BACH2: variants seen among roughly 807,000 people sequenced by gnomAD.
BACH2 encodes the protein transcription regulator protein BACH2.
A neutral mutation model predicts 61.8 loss-of-function variants in BACH2; 5 were observed. The ratio of observed to expected loss-of-function variants is 0.08; its 90% CI spans 0.04 to 0.17. The LOEUF is 0.17. Among genes scored for constraint, BACH2 ranks in the 10% least tolerant of loss-of-function variants. The probability of loss-of-function intolerance (pLI) is 1.00; values close to 1 mark genes in which losing one functional copy is unlikely to be tolerated. For missense variants in BACH2, 824 were observed against 1,091.1 expected (o/e 0.76, Z 3.45); for synonymous variants, 446 against 440.1 (o/e 1.01, Z -0.17).
intron 3 of BACH2, among the ~76,000 whole-genome samples, chr6:90,208,145 G>A (rs898082025): frequency 6.6e-6 from 1 of 152,124 alleles, no homozygotes; most frequent in African/African-American, 2.4e-5. Context: ...CATAGGCATG[G>A]GCAAGGACTT....
chr6:90,102,860 T>C (rs193091360), intron 4 of BACH2, among the ~76,000 whole-genome samples: 1 of 144,766 alleles, frequency 6.9e-6, no homozygotes, highest in African/African-American at 2.5e-5. Flanking sequence ...GGACCTTCCA[T>C]TCAGTTAGGA....
chr6:90,188,010 C>T (rs961186832), intron 4 of BACH2, among the ~76,000 whole-genome samples: 4 of 152,098 alleles, frequency 2.6e-5, no homozygotes, highest in African/African-American at 9.7e-5. Context: ...AAGGTGCTGG[C>T]AAGGGAGCCC....
intron 6 of BACH2, among the ~76,000 whole-genome samples, chr6:89,995,427 T>C (rs969265869): frequency 1.3e-5 from 2 of 152,028 alleles, no homozygotes; most frequent in African/African-American, 4.8e-5. Context: ...CAGCGAAGGG[T>C]ATTGTATTTC....
intron 5 of BACH2, among the ~76,000 whole-genome samples, chr6:90,079,050 G>A (rs1781600997): frequency 6.6e-6 from 1 of 152,136 alleles, no homozygotes; most frequent in Non-Finnish European, 1.5e-5. Context: ...CAGTGGAATG[G>A]GACAGCACCA....
rs1562445909 is a variant in BACH2 at position 90,103,022 on chromosome 6, TATA to T, written c.-161-13916_-161-13914del. Reference sequence around the variant, plus strand: ...GACACAATACATATATATATATATATATATATATTTTTTTTTTTTTTTTTTTTT... The same window carrying T: ...GACACAATACATATATATATATATATTATATTTTTTTTTTTTTTTTTTTTT... On this transcript the variant is annotated intron_variant, in intron 4 of 8. Coordinates refer to ENST00000257749, the MANE Select transcript of BACH2 (RefSeq NM_021813.4). Among the ~76,000 whole-genome samples the T allele has an allele frequency of 1.0e-4, 5 of 48,898 alleles. No individual in the cohort carries two copies. The South Asian group carries it at 3.0e-3, about 29-fold the overall frequency. The allele number at this position is 48,898 out of a possible 152,430, so 32.1% of individuals were successfully genotyped here. A position where few individuals can be genotyped will look rare whatever the true frequency, so the allele number is the denominator to read the frequency against.
At chr6:90,163,044 T>A (rs547862673) in intron 4 of BACH2, among the ~76,000 whole-genome samples, 66 of 152,322 alleles carry the variant, frequency 4.3e-4, no homozygotes, top group Non-Finnish European at 8.1e-4. Flanking sequence ...AGTGTACCCA[T>A]CTCAGATAAA....
intron 4 of BACH2, among the ~76,000 whole-genome samples, chr6:90,205,663 T>C (rs1250961247): frequency 6.6e-6 from 1 of 152,228 alleles, no homozygotes; most frequent in Non-Finnish European, 1.5e-5. Context: ...CATATGCTTT[T>C]GTGCCTAAAC....
intron 4 of BACH2, among the ~76,000 whole-genome samples, chr6:90,152,986 A>C (rs1170686981): frequency 2.0e-5 from 3 of 152,194 alleles, no homozygotes; most frequent in Non-Finnish European, 4.4e-5. Flanking sequence ...GATAAGAAAG[A>C]AAGCGTTCTC....
intron 7 of BACH2, among the ~76,000 whole-genome samples, chr6:89,938,567 T>C (rs1773168870): frequency 6.6e-6 from 1 of 152,230 alleles, no homozygotes. Flanking sequence ...TGCAATGTTA[T>C]TGTCTCTGAG....
intron 3 of BACH2, among the ~76,000 whole-genome samples, chr6:90,244,611 CGCGCACACAT>C (rs979278434): frequency 1.3e-5 from 2 of 151,954 alleles, no homozygotes; most frequent in African/African-American, 2.4e-5. Flanking sequence ...CCCCTTCACA[CGCGCACACAT>C]GCGCACACAC....
At chr6:90,014,405 T>C (rs1777905357) in intron 5 of BACH2, among the ~76,000 whole-genome samples, 2 of 142,296 alleles carry the variant, frequency 1.4e-5, no homozygotes, top group Admixed American at 7.1e-5. Context: ...AATTGTCAAA[T>C]TTATTGGCAT....
At chr6:90,196,625 A>G (rs1364572880) in intron 4 of BACH2, among the ~76,000 whole-genome samples, 1 of 152,180 alleles carries the variant, frequency 6.6e-6, no homozygotes, top group Non-Finnish European at 1.5e-5. Flanking sequence ...GACATTGTTA[A>G]TTTCACCCAA....
chr6:90,058,852 T>C (rs1398438092), intron 5 of BACH2, among the ~76,000 whole-genome samples: 1 of 152,158 alleles, frequency 6.6e-6, no homozygotes, highest in Non-Finnish European at 1.5e-5. Context: ...TTGACAAACC[T>C]GACAAAAACA....
chr6:90,198,223 ACCCATGGCTTGCTTGTG>A (rs1768829432), intron 4 of BACH2, among the ~76,000 whole-genome samples: 1 of 152,070 alleles, frequency 6.6e-6, no homozygotes, highest in Non-Finnish European at 1.5e-5. Context: ...TCAGGCTTGT[ACCCATGGCTTGCTTGTG>A]CCCATGGCTT....
chr6:89,990,254 G>A (rs980924508), intron 6 of BACH2, among the ~76,000 whole-genome samples: 1 of 152,204 alleles, frequency 6.6e-6, no homozygotes, highest in Non-Finnish European at 1.5e-5. Context: ...TTTCATTGGA[G>A]CTGATTGAGC....
intron 4 of BACH2, among the ~76,000 whole-genome samples, chr6:90,099,478 A>G (rs769305012): frequency 6.6e-6 from 1 of 152,226 alleles, no homozygotes; most frequent in Non-Finnish European, 1.5e-5. Flanking sequence ...TCTTGGGCTC[A>G]AGCGATCCTC....
Position 89,928,237 on chromosome 6 carries a change from T to C in BACH2, c.*4171A>G, listed in dbSNP as rs986343682. ...GAGACTCCTCCTAAACTGTAAGCAA[T>C]AGTGAAGCAGTTTGAAGTCATTTCT... On this transcript the variant is annotated 3_prime_UTR_variant, in exon 9 of 9. Transcript: ENST00000257749. 3.3e-5 allele frequency: 5 copies of C among 152,452 alleles called. No individual in the cohort carries two copies. The highest frequency in any genetic ancestry group is 1.9e-4 in the East Asian group (1 of 5,326). 9.4% of individuals were successfully genotyped at this position (152,452 alleles called of 1,614,324 possible). A position where few individuals can be genotyped will look rare whatever the true frequency, so the allele number is the denominator to read the frequency against.
intron 3 of BACH2, among the ~76,000 whole-genome samples, chr6:90,230,504 T>C (rs934196304): frequency 6.6e-5 from 10 of 152,344 alleles, no homozygotes; most frequent in African/African-American, 2.4e-4. Flanking sequence ...GGACAACTTA[T>C]TGCAACTGAC....
intron 5 of BACH2, among the ~76,000 whole-genome samples, chr6:90,032,252 C>T (rs544816944): frequency 1.3e-5 from 2 of 150,256 alleles, no homozygotes; most frequent in East Asian, 2.0e-4. Context: ...CCATAAAAAC[C>T]CTAAAAGAAA....
Sources: allele counts gnomAD v4.1 joint callset (sites outside exome capture counted in the v4.1 genomes callset), GRCh38; gene constraint gnomAD v4.1.1; transcripts MANE v1.5; gene names NCBI Gene and HGNC (gene_info 2026-07-23, HGNC 2026-07-21).